Variants in GDAP2 observed in about 807,000 individuals in gnomAD.
GDAP2 encodes ganglioside induced differentiation associated protein 2, also known as ganglioside-induced differentiation-associated protein 2.
Under a neutral mutation model 67.0 loss-of-function variants are expected in GDAP2, and 51 were observed. That is an observed-to-expected ratio of 0.76 (90% CI 0.61 to 0.96). The LOEUF (loss-of-function observed/expected upper bound fraction) is 0.96. Ranked by LOEUF, GDAP2 falls within the 40% of genes least tolerant of loss-of-function variation. GDAP2 has a pLI of 0.00. For missense variants in GDAP2, 547 were observed against 588.3 expected (o/e 0.93, Z 0.73); for synonymous variants, 203 against 207.3 (o/e 0.98, Z 0.18).
chr1:117,895,321 C>T (rs1649227690), intron 8 of GDAP2, among the ~76,000 whole-genome samples: 1 of 152,096 alleles, frequency 6.6e-6, no homozygotes, highest in African/African-American at 2.4e-5. Flanking sequence ...AAACAACTTA[C>T]TGCAGCAGTT....
At chr1:117,880,251 G>A (rs931633263) in intron 12 of GDAP2, among the ~76,000 whole-genome samples, 1 of 152,128 alleles carries the variant, frequency 6.6e-6, no homozygotes. Context: ...GCTAGAAGTA[G>A]GAGAGAAACC....
At chr1:117,881,749 G>C in intron 12 of GDAP2, 74 bp downstream of exon 12, 1 of 803,818 alleles carries the variant, frequency 1.2e-6, no homozygotes. Flanking sequence ...TTAAGTTGCT[G>C]AGCTATTATC....
intron 6 of GDAP2, among the ~76,000 whole-genome samples, chr1:117,901,829 C>T (rs941344006): frequency 6.6e-6 from 1 of 152,206 alleles, no homozygotes; most frequent in East Asian, 1.9e-4. Context: ...CCCAAATCTA[C>T]AGTCCTAATC....
intron 10 of GDAP2, among the ~76,000 whole-genome samples, chr1:117,886,167 G>A (rs1648845534): frequency 6.6e-6 from 1 of 152,076 alleles, no homozygotes. Context: ...GCCTCCAAAT[G>A]AAGGGATTAT....
chr1:117,898,985 A>G, intron 7 of GDAP2, 72 bp downstream of exon 7: 1 of 1,103,798 alleles, frequency 9.1e-7, no homozygotes, highest in Non-Finnish European at 1.4e-6. Flanking sequence ...TGAATTTCTT[A>G]CTTCTTTGGT....
Position 117,891,230 on chromosome 1 carries a change from G to C in GDAP2, c.954-3456C>G, listed in dbSNP as rs369140014. Among the ~76,000 whole-genome samples, 3 of 150,650 alleles carry C rather than the reference G, an allele frequency of 2.0e-5. No individual in the cohort carries two copies. In the South Asian group the frequency reaches 6.4e-4, roughly 32 times the overall value. On this transcript the variant is annotated intron_variant, in intron 8 of 13. Transcript: ENST00000369443. ...GTTTCCAGGGTTTTGCTATTGTGAA[G>C]AGGGCTACAATCAACTTGTTTTGCG...
In GDAP2 at chr1:117,896,921, G is replaced by C. The variant is rs779308481; in HGVS notation, c.865C>G (p.Arg289Gly). ...LSFIGSHAFA[R>G]MEGDIDKQRK... ...TGCTTGTCAATATCTCCTTCCATTC[G>C]AGCAAAAGCATGAGAGCCAATGAAA... Residue 289 changes from arginine (R) to glycine (G), a missense_variant, in exon 8 of 14, where the codon CGA (arginine) becomes GGA (glycine). By Grantham distance (125) the Arg-to-Gly change is moderately radical (BLOSUM62 -2). Coordinates refer to ENST00000369443, the MANE Select transcript of GDAP2 (RefSeq NM_017686.4). The C allele has an allele frequency of 2.5e-6, 4 of 1,611,148 alleles. No homozygotes were observed. The highest frequency in any genetic ancestry group is 1.3e-5 in the African/African-American group (1 of 74,768).
chr1:117,884,059 GTC>G (rs1648762710), intron 10 of GDAP2, among the ~76,000 whole-genome samples: 1 of 152,138 alleles, frequency 6.6e-6, no homozygotes. Context: ...AGTCTTTGCA[GTC>G]TCTACTCAGA....
chr1:117,888,893 G>A lies in GDAP2; in HGVS notation c.954-1119C>T, dbSNP rs142550106. On this transcript the variant is annotated intron_variant, in intron 8 of 13. Transcript: ENST00000369443. ...ATTGCACAACTGAAAATATTTAATG[G>A]GAAGTCTGTCACATACAGACTGAAA... Among the ~76,000 whole-genome samples, 3 of 152,120 alleles carry A rather than the reference G, an allele frequency of 2.0e-5. No individual in the cohort carries two copies. In the East Asian group the frequency reaches 5.8e-4, roughly 29 times the overall value.
At chr1:117,901,052 TC>T (rs1406919930) in intron 6 of GDAP2, among the ~76,000 whole-genome samples, 1 of 152,146 alleles carries the variant, frequency 6.6e-6, no homozygotes, top group East Asian at 1.9e-4. Flanking sequence ...AGGGTGAGAC[TC>T]CGTCTCAAAA....
chr1:117,894,621 T>C (rs929087958), intron 8 of GDAP2, among the ~76,000 whole-genome samples: 1 of 152,222 alleles, frequency 6.6e-6, no homozygotes, highest in Non-Finnish European at 1.5e-5. Flanking sequence ...CATATTGAAG[T>C]GTGAAGTTGC....
At chr1:117,883,719 A>G in intron 10 of GDAP2, 92 bp from the exon 11 acceptor site, 3 of 813,478 alleles carry the variant, frequency 3.7e-6, no homozygotes, top group Non-Finnish European at 5.8e-6. Context: ...AACAAAATAG[A>G]AAATTAACCT....
intron 10 of GDAP2, among the ~76,000 whole-genome samples, chr1:117,886,318 A>C (rs1379826771): frequency 6.6e-6 from 1 of 152,164 alleles, no homozygotes; most frequent in Non-Finnish European, 1.5e-5. Flanking sequence ...TACTAGTTAC[A>C]TCATATCCAA....
intron 5 of GDAP2, among the ~76,000 whole-genome samples, chr1:117,907,802 A>C (rs533723836): frequency 6.6e-6 from 1 of 152,126 alleles, no homozygotes; most frequent in South Asian, 2.1e-4. Context: ...TGCCTGAGTT[A>C]TCTTCTCATG....
intron 12 of GDAP2, among the ~76,000 whole-genome samples, chr1:117,881,174 G>T (rs1648636618): frequency 6.6e-6 from 1 of 152,142 alleles, no homozygotes; most frequent in Non-Finnish European, 1.5e-5. Flanking sequence ...AGTGGATGAA[G>T]TGATGAAATG....
At chr1:117,900,842 C>T (rs901139174) in intron 6 of GDAP2, among the ~76,000 whole-genome samples, 7 of 151,256 alleles carry the variant, frequency 4.6e-5, no homozygotes, top group Non-Finnish European at 8.8e-5. Flanking sequence ...GGACAGATCA[C>T]GAAGTCAGGA....
chr1:117,899,289 G>A lies in GDAP2; in HGVS notation c.637-73C>T. 6.1e-6 allele frequency: 6 copies of A among 987,750 alleles called. No individual in the cohort carries two copies. In the South Asian group the frequency reaches 8.1e-5, roughly 13 times the overall value. The allele number at this position is 987,750 out of a possible 1,614,324, so 61.2% of individuals were successfully genotyped here. On this transcript the variant is annotated intron_variant, in intron 6 of 13. Transcript: ENST00000369443. ...GAAGACCTCAGCAGTACTTAGTGCTGTTCATACACTGTGAAGACAACCTCC... is the reference window on the plus strand; with the variant it reads ...GAAGACCTCAGCAGTACTTAGTGCTATTCATACACTGTGAAGACAACCTCC...
chr1:117,883,410 C>T (rs1648734097), intron 11 of GDAP2, 78 bp downstream of exon 11: 1 of 1,031,004 alleles, frequency 9.7e-7, no homozygotes, highest in Non-Finnish European at 1.5e-6. Flanking sequence ...TCACAGAATA[C>T]AAAGCAATGT....
intron 13 of GDAP2, among the ~76,000 whole-genome samples, chr1:117,876,158 T>C (rs1000887938): frequency 3.9e-5 from 6 of 152,194 alleles, no homozygotes; most frequent in Middle Eastern, 6.8e-3. Context: ...GTTTGAGTCA[T>C]GGGGTGGGGC....
Sources: gnomAD v4.1 joint callset for allele counts (sites outside exome capture counted in the v4.1 genomes callset) on GRCh38, gnomAD v4.1.1 for gene constraint, MANE v1.5 for transcripts, NCBI Gene and HGNC (gene_info 2026-07-23, HGNC 2026-07-21) for gene names.